KCNJ6: variants seen among roughly 807,000 people sequenced by gnomAD.
KCNJ6 encodes the protein G protein-activated inward rectifier potassium channel 2.
KCNJ6 carries 9 observed loss-of-function variants against 34.2 expected under a neutral mutation model. The ratio of observed to expected loss-of-function variants is 0.26; its 90% CI spans 0.16 to 0.46. The LOEUF is 0.46. Ranked by LOEUF, KCNJ6 falls within the 20% of genes least tolerant of loss-of-function variation. KCNJ6 has a pLI of 1.00. For synonymous variants in KCNJ6, 196 were observed against 207.1 expected, an observed-to-expected ratio of 0.95 and a Z score of 0.46; for missense variants, 236 against 531.3, an observed-to-expected ratio of 0.44 and a Z score of 5.46.
chr21:37,725,018 A>T (rs919585781), intron 2 of KCNJ6, among the ~76,000 whole-genome samples: 5 of 152,228 alleles, frequency 3.3e-5, no homozygotes, highest in African/African-American at 1.2e-4. Context: ...AATATTTCTG[A>T]CAATGTAAAA....
At chr21:37,883,024 G>C (rs931421971) in intron 1 of KCNJ6, among the ~76,000 whole-genome samples, 25 of 152,198 alleles carry the variant, frequency 1.6e-4, no homozygotes, top group Non-Finnish European at 7.3e-5. Flanking sequence ...ATGCATATGT[G>C]GGTCTGTATG....
intron 3 of KCNJ6, among the ~76,000 whole-genome samples, chr21:37,711,712 G>A (rs976059929): frequency 2.0e-5 from 3 of 152,076 alleles, no homozygotes; most frequent in Non-Finnish European, 4.4e-5. Flanking sequence ...GAGAGCAGCT[G>A]TGCTGGGGGT....
chr21:37,724,639 G>C (rs1409819369), intron 2 of KCNJ6, among the ~76,000 whole-genome samples: 1 of 152,176 alleles, frequency 6.6e-6, no homozygotes, highest in Non-Finnish European at 1.5e-5. Context: ...AATGGATTTT[G>C]GATGGCAGAG....
rs1265767544 is a variant in KCNJ6 at position 37,661,222 on chromosome 21, T to A, written c.947-35738A>T. Among the ~76,000 whole-genome samples the A allele has an allele frequency of 3.9e-5, 6 of 152,192 alleles. No individual in the cohort carries two copies. The East Asian group carries it at 1.2e-3, about 29-fold the overall frequency. On this transcript the variant is annotated intron_variant, in intron 3 of 3. Transcript: ENST00000609713. ...CCCCACTCCCACCTTTTGGTATAAT[T>A]CCTTGAAAGTGAGAATGTGACTGTC...
intron 2 of KCNJ6, among the ~76,000 whole-genome samples, chr21:37,823,539 ATAGT>A (rs1235738860): frequency 4.6e-5 from 7 of 152,106 alleles, no homozygotes; most frequent in East Asian, 3.9e-4. Flanking sequence ...TGTTCTTCTG[ATAGT>A]TAGTGAGTTA....
chr21:37,668,568 G>T (rs922367717), intron 3 of KCNJ6, among the ~76,000 whole-genome samples: 2 of 152,162 alleles, frequency 1.3e-5, no homozygotes, highest in African/African-American at 4.8e-5. Context: ...GCTGAGGTAT[G>T]GGGGGTTAGG....
At chr21:37,699,415 A>G (rs2054679080) in intron 3 of KCNJ6, among the ~76,000 whole-genome samples, 1 of 152,234 alleles carries the variant, frequency 6.6e-6, no homozygotes, top group Non-Finnish European at 1.5e-5. Flanking sequence ...ACTTAGGGAT[A>G]GAGCATTTTT....
At position 37,650,350 on chromosome 21, in the gene KCNJ6, C is replaced by G. The variant is rs139451904; in HGVS notation, c.947-24866G>C. ...CTCTCCACATGAGTTGTGACAAGCTCCATTACTTTCCTGAGCCTCAGTTTC... is the reference window on the plus strand; with the variant it reads ...CTCTCCACATGAGTTGTGACAAGCTGCATTACTTTCCTGAGCCTCAGTTTC... On this transcript the variant is annotated intron_variant, in intron 3 of 3. Coordinates refer to ENST00000609713, the MANE Select transcript of KCNJ6 (RefSeq NM_002240.5). 2.6e-5 allele frequency among the ~76,000 whole-genome samples: 4 copies of G among 152,242 alleles called. No individual in the cohort carries two copies. The East Asian group carries it at 7.7e-4, about 29-fold the overall frequency.
At chr21:37,663,874 C>A (rs1787394) in intron 3 of KCNJ6, among the ~76,000 whole-genome samples, 87,859 of 152,012 alleles carry the variant, frequency 0.58, 25,657 homozygotes, top group East Asian at 0.85. Flanking sequence ...CAAGCTTAGC[C>A]TCATGAACAC....
chr21:37,879,982 G>A (rs1341739137), intron 1 of KCNJ6, among the ~76,000 whole-genome samples: 2 of 151,990 alleles, frequency 1.3e-5, no homozygotes, highest in Non-Finnish European at 2.9e-5. Context: ...AATGTTGGCT[G>A]GGCATGGTGG....
At chr21:37,630,119 G>A (rs2054327162) in intron 3 of KCNJ6, among the ~76,000 whole-genome samples, 1 of 82,206 alleles carries the variant, frequency 1.2e-5, no homozygotes, top group Non-Finnish European at 2.6e-5. Flanking sequence ...AGGCAGAACT[G>A]CCAAGATGAC....
At chr21:37,905,367 T>A (rs370909478) in intron 1 of KCNJ6, among the ~76,000 whole-genome samples, 3 of 152,192 alleles carry the variant, frequency 2.0e-5, no homozygotes, top group African/African-American at 7.2e-5. Context: ...TATGAGCTCA[T>A]GTACCATGCC....
intron 2 of KCNJ6, among the ~76,000 whole-genome samples, chr21:37,778,500 T>C (rs1372536077): frequency 6.6e-6 from 1 of 152,060 alleles, no homozygotes; most frequent in Non-Finnish European, 1.5e-5. Context: ...TTTTTTGCAA[T>C]GGAAGATAAC....
Position 37,625,035 on chromosome 21 carries a change from G to T in KCNJ6, c.*124C>A. 1 of 739,820 alleles carries T rather than the reference G, an allele frequency of 1.4e-6. No homozygotes were observed. The highest frequency in any genetic ancestry group is 1.8e-5 in the African/African-American group (1 of 56,986). The allele number at this position is 739,820 out of a possible 1,614,324, so 45.8% of individuals were successfully genotyped here. ...TTACACCTTGAAGATTTGTTTTCTGGTCATGTAAAAATTAAATATAAACAA... is the reference window on the plus strand; with the variant it reads ...TTACACCTTGAAGATTTGTTTTCTGTTCATGTAAAAATTAAATATAAACAA... On this transcript the variant is annotated 3_prime_UTR_variant, in exon 4 of 4. Transcript: ENST00000609713.
At chr21:37,850,073 T>A (rs2055529744) in intron 1 of KCNJ6, among the ~76,000 whole-genome samples, 2 of 152,230 alleles carry the variant, frequency 1.3e-5, no homozygotes, top group South Asian at 4.1e-4. Context: ...TGCAATACAA[T>A]GACCTGTAAG....
chr21:37,802,802 C>T (rs1048909287), intron 2 of KCNJ6, among the ~76,000 whole-genome samples: 8 of 152,272 alleles, frequency 5.3e-5, no homozygotes, highest in African/African-American at 1.7e-4. Flanking sequence ...TTAAGGGTCA[C>T]GTGAGACCAT....
chr21:37,618,309 A>G lies in KCNJ6; in HGVS notation c.*6850T>C, dbSNP rs552564125. 2 of 152,246 alleles carry G rather than the reference A, an allele frequency of 1.3e-5. No individual in the cohort carries two copies. Among genetic ancestry groups the G allele is most frequent in the African/African-American group, 2.4e-5 (1 of 41,472 alleles). The allele number at this position is 152,246 out of a possible 1,614,324, so 9.4% of individuals were successfully genotyped here. ...ATAAGACCCAAGACTGACATACTCC[A>G]TAAGGCATTCAGCCTGGACTAGGCT... On this transcript the variant is annotated 3_prime_UTR_variant, in exon 4 of 4. Transcript: ENST00000609713.
At chr21:37,834,325 G>C (rs545094575) in intron 2 of KCNJ6, among the ~76,000 whole-genome samples, 2 of 152,146 alleles carry the variant, frequency 1.3e-5, no homozygotes, top group African/African-American at 2.4e-5. Flanking sequence ...CCTGCATGAC[G>C]TTCTAGCACT....
At chr21:37,707,731 G>GTGTGTGTGTATGTGTGCA (rs1556022152) in intron 3 of KCNJ6, among the ~76,000 whole-genome samples, 2 of 150,940 alleles carry the variant, frequency 1.3e-5, no homozygotes, top group African/African-American at 2.4e-5. Context: ...GCATGTGTGT[G>GTGTGTGTGTATGTGTGCA]TGTGAATAAT....
Sources: allele counts gnomAD v4.1 joint callset (sites outside exome capture counted in the v4.1 genomes callset), GRCh38; gene constraint gnomAD v4.1.1; transcripts MANE v1.5; gene names NCBI Gene and HGNC (gene_info 2026-07-23, HGNC 2026-07-21).